Variants in PCDHA12 observed in about 807,000 individuals in gnomAD.
The protein encoded by PCDHA12 is protocadherin alpha-12.
In PCDHA12, 44 loss-of-function variants were observed where a neutral mutation model predicts 60.0. The ratio of observed to expected loss-of-function variants is 0.73; its 90% confidence interval spans 0.58 to 0.94. The LOEUF is 0.94. Ranked by LOEUF, PCDHA12 falls within the 40% of genes least tolerant of loss-of-function variation. The pLI is 0.00. For synonymous variants in PCDHA12, 569 were observed against 553.0 expected, an observed-to-expected ratio of 1.03 and a Z score of -0.40; for missense variants, 1,276 against 1,239.7, an observed-to-expected ratio of 1.03 and a Z score of -0.44.
At chr5:140,957,043 A>C (rs2095328677) in intron 1 of PCDHA12, among the ~76,000 whole-genome samples, 3 of 152,196 alleles carry the variant, frequency 2.0e-5, no homozygotes, top group Admixed American at 2.0e-4. Flanking sequence ...GGAGTCATAT[A>C]AAATAAATTA....
At chr5:140,969,141 G>T in intron 1 of PCDHA12, 1 of 1,614,158 alleles carries the variant, frequency 6.2e-7, no homozygotes, top group Non-Finnish European at 8.5e-7. Context: ...AAGACCTACT[G>T]CTACAAGGCC....
intron 1 of PCDHA12, chr5:140,966,634 G>A: frequency 9.8e-7 from 1 of 1,022,982 alleles, no homozygotes; most frequent in Non-Finnish European, 1.3e-6. Flanking sequence ...GGCCCCAGGC[G>A]CTTTCTAGAG....
intron 1 of PCDHA12, among the ~76,000 whole-genome samples, chr5:140,910,210 G>A (rs987095100): frequency 6.6e-6 from 1 of 152,120 alleles, no homozygotes; most frequent in Non-Finnish European, 1.5e-5. Context: ...ACTTGACCTG[G>A]AAGTTTTCTG....
intron 1 of PCDHA12, among the ~76,000 whole-genome samples, chr5:140,960,928 AAGTTT>A (rs2095579865): frequency 6.6e-6 from 1 of 152,184 alleles, no homozygotes; most frequent in South Asian, 2.1e-4. Context: ...AATTGGTACT[AAGTTT>A]AGTGAATTAG....
intron 3 of PCDHA12, among the ~76,000 whole-genome samples, chr5:140,987,400 C>T (rs1554249169): frequency 1.3e-5 from 2 of 152,090 alleles, no homozygotes; most frequent in Middle Eastern, 3.2e-3. Context: ...AGGAAGCCAT[C>T]TGTTTATGGT....
intron 1 of PCDHA12, chr5:140,882,622 T>C (rs782369081): frequency 1.1e-4 from 185 of 1,614,060 alleles, no homozygotes; most frequent in Non-Finnish European, 1.5e-4. Context: ...AGGTTTTCCA[T>C]GTGGAGGTGA....
intron 2 of PCDHA12, among the ~76,000 whole-genome samples, chr5:140,979,595 A>G (rs1261298748): frequency 1.3e-5 from 2 of 152,212 alleles, no homozygotes; most frequent in African/African-American, 4.8e-5. Context: ...GCTTACTTTA[A>G]ATTAACCTAG....
chr5:140,991,570 C>T (rs1554252306), intron 3 of PCDHA12, among the ~76,000 whole-genome samples: 1 of 152,220 alleles, frequency 6.6e-6, no homozygotes, highest in Non-Finnish European at 1.5e-5. Context: ...TTTCCAATAA[C>T]AGGCTCCTTA....
chr5:140,876,583 CT>C lies in PCDHA12; in HGVS notation c.1112del (p.Leu371ArgfsTer19). The C allele has an allele frequency of 6.2e-7, 1 of 1,614,194 alleles. No homozygotes were observed. The highest frequency in any genetic ancestry group is 8.5e-7 in the Non-Finnish European group (1 of 1,180,044). ...EDAQVGTVIA[L>X]ISVSDRDSGA... ...TGCTCAGGTGGGTACCGTCATTGCC[CT>C]GATTAGCGTGTCGGATCGTGACTCT... On this transcript the variant is annotated frameshift_variant, in exon 1 of 4. Coordinates refer to ENST00000398631, the MANE Select transcript of PCDHA12 (RefSeq NM_018903.4). LOFTEE classifies it high-confidence loss of function.
chr5:140,957,827 T>C (rs2095387768), intron 1 of PCDHA12, among the ~76,000 whole-genome samples: 1 of 150,810 alleles, frequency 6.6e-6, no homozygotes, highest in Admixed American at 6.7e-5. Flanking sequence ...TAAGAGAAAG[T>C]GTTAATTGAT....
chr5:140,909,601 C>G (rs1554193864), intron 1 of PCDHA12, among the ~76,000 whole-genome samples: 1 of 152,170 alleles, frequency 6.6e-6, no homozygotes, highest in Non-Finnish European at 1.5e-5. Context: ...TACTATTTTT[C>G]TAGGTAGAGG....
chr5:140,966,893 C>CA (rs1554228863), intron 1 of PCDHA12: 3 of 1,595,686 alleles, frequency 1.9e-6, no homozygotes, highest in African/African-American at 1.3e-5. Context: ...TGCGGCCTCC[C>CA]AGCTGCGATA....
intron 3 of PCDHA12, among the ~76,000 whole-genome samples, chr5:140,987,213 CAA>C (rs58319157): frequency 9.3e-5 from 11 of 118,826 alleles, no homozygotes; most frequent in African/African-American, 1.6e-4. Flanking sequence ...GACTCCATCT[CAA>C]AAAAAAAAAA....
At chr5:140,990,742 G>A (rs947618929) in intron 3 of PCDHA12, among the ~76,000 whole-genome samples, 2 of 152,176 alleles carry the variant, frequency 1.3e-5, no homozygotes, top group African/African-American at 4.8e-5. Context: ...CAGCCCTAGG[G>A]TGGATACCTT....
intron 3 of PCDHA12, among the ~76,000 whole-genome samples, chr5:140,993,462 T>TCA (rs3836747): frequency 0.1 from 14,588 of 140,880 alleles, 728 homozygotes; most frequent in Middle Eastern, 0.17. Context: ...TCTTTCTTTC[T>TCA]CACACACACA....
At chr5:140,992,201 CAG>C (rs1587495213) in intron 3 of PCDHA12, among the ~76,000 whole-genome samples, 1 of 152,256 alleles carries the variant, frequency 6.6e-6, no homozygotes, top group East Asian at 1.9e-4. Context: ...TCTATCCAAT[CAG>C]ATAAACTACT....
At chr5:140,912,410 T>C (rs2075912290) in intron 1 of PCDHA12, among the ~76,000 whole-genome samples, 1 of 152,090 alleles carries the variant, frequency 6.6e-6, no homozygotes, top group Non-Finnish European at 1.5e-5. Context: ...AGCTTGGTTA[T>C]TATTGGTGTA....
At chr5:140,957,339 TGAGA>T (rs2095352193) in intron 1 of PCDHA12, among the ~76,000 whole-genome samples, 1 of 152,152 alleles carries the variant, frequency 6.6e-6, no homozygotes, top group African/African-American at 2.4e-5. Context: ...TAAGATATTT[TGAGA>T]GAGAGACCAC....
In PCDHA12 at chr5:140,882,793, C is replaced by A. The variant is rs1176435531; in HGVS notation, c.2367+4954C>A. 2.5e-6 allele frequency: 4 copies of A among 1,614,092 alleles called. No individual in the cohort carries two copies. In the Admixed American group the frequency reaches 6.7e-5, roughly 27 times the overall value. On this transcript the variant is annotated intron_variant, in intron 1 of 3. Coordinates refer to ENST00000398631, the MANE Select transcript of PCDHA12 (RefSeq NM_018903.4). ...CATTGACCTACCGACTGGATCCCAA[C>A]GATTATTTCACTTTGGACGCACAAA... is the stretch of plus-strand genomic sequence containing the variant.
Sources: allele counts gnomAD v4.1 joint callset (sites outside exome capture counted in the v4.1 genomes callset), GRCh38; gene constraint gnomAD v4.1.1; transcripts MANE v1.5; gene names NCBI Gene and HGNC (gene_info 2026-07-23, HGNC 2026-07-21).